The following SORCS2 variants were observed in gnomAD, a reference collection of about 807,000 sequenced individuals.
SORCS2 encodes the protein VPS10 domain-containing receptor SorCS2.
Under a neutral mutation model 141.6 loss-of-function variants are expected in SORCS2, and 100 were observed. The observed-to-expected ratio is 0.71, with a 90% CI of 0.60 to 0.83. The LOEUF (loss-of-function observed/expected upper bound fraction) is 0.83. Ranked by LOEUF, SORCS2 falls within the 40% of genes least tolerant of loss-of-function variation. The probability of loss-of-function intolerance (pLI) is 0.00; values close to 1 mark genes in which losing one functional copy is unlikely to be tolerated. For missense variants in SORCS2, 1,646 were observed against 1,560.2 expected (o/e 1.05, Z -0.93); for synonymous variants, 789 against 676.9 (o/e 1.17, Z -2.57).
chr4:7,552,475 A>G (rs1713787292), intron 3 of SORCS2, among the ~76,000 whole-genome samples: 1 of 152,196 alleles, frequency 6.6e-6, no homozygotes, highest in South Asian at 2.1e-4. Context: ...CACTGGCCCC[A>G]GTCCAAGCTT....
At chr4:7,506,669 G>C (rs1732295575) in intron 2 of SORCS2, among the ~76,000 whole-genome samples, 1 of 152,198 alleles carries the variant, frequency 6.6e-6, no homozygotes, top group African/African-American at 2.4e-5. Context: ...TCACTGAACT[G>C]GTAGGGCTGT....
intron 1 of SORCS2, among the ~76,000 whole-genome samples, chr4:7,351,113 C>T (rs570904163): frequency 5.6e-4 from 85 of 152,110 alleles, no homozygotes; most frequent in Non-Finnish European, 8.2e-4. Context: ...ACGCTACACG[C>T]CCCCCCACTT....
rs772479245 is a variant in SORCS2 at position 7,704,268 on chromosome 4, G to A, written c.1852G>A (p.Glu618Lys). The A allele has an allele frequency of 6.8e-6, 11 of 1,611,486 alleles. No individual in the cohort carries two copies. Among genetic ancestry groups the A allele is most frequent in the East Asian group, 2.2e-5 (1 of 44,840 alleles). The change falls in exon 14 of 27, where the codon GAG (glutamate) becomes AAG (lysine). Residue 618 changes from glutamate to lysine, a missense_variant. By Grantham distance (56) the Glu-to-Lys change is moderately conservative. Coordinates refer to ENST00000507866, the MANE Select transcript of SORCS2 (RefSeq NM_020777.3). ...VDGLLSEPGD[E>K]TLVMTVFGHI... ...CGGGCTGCTGAGTGAGCCAGGGGAC[G>A]AGACGCTGGTCATGACGTGAGTGCG...
At chr4:7,231,276 C>A (rs1711865096) in intron 1 of SORCS2, among the ~76,000 whole-genome samples, 1 of 152,220 alleles carries the variant, frequency 6.6e-6, no homozygotes, top group African/African-American at 2.4e-5. Flanking sequence ...GTCTTCTATT[C>A]AGACCTTTAA....
chr4:7,735,903 C>A (rs112713907), intron 25 of SORCS2, among the ~76,000 whole-genome samples: 1 of 152,176 alleles, frequency 6.6e-6, no homozygotes, highest in African/African-American at 2.4e-5. Context: ...GGGCGGCCTT[C>A]GAGCCCAGGC....
At chr4:7,500,596 C>T (rs1731903821) in intron 2 of SORCS2, among the ~76,000 whole-genome samples, 1 of 148,976 alleles carries the variant, frequency 6.7e-6, no homozygotes, top group Non-Finnish European at 1.5e-5. Flanking sequence ...CACCAGTGTG[C>T]CGGCTGGAGA....
chr4:7,257,406 G>A (rs969679929), intron 1 of SORCS2, among the ~76,000 whole-genome samples: 1 of 152,152 alleles, frequency 6.6e-6, no homozygotes, highest in Non-Finnish European at 1.5e-5. Context: ...GGGGCTCCAA[G>A]AGAAACCAGT....
chr4:7,485,025 G>C (rs7680189), intron 2 of SORCS2, among the ~76,000 whole-genome samples: 24,077 of 152,214 alleles, frequency 0.16, 2,931 homozygotes, highest in African/African-American at 0.34. Context: ...AGGGCAGACT[G>C]TCTGTTCATC....
intron 3 of SORCS2, among the ~76,000 whole-genome samples, chr4:7,603,169 CCATGGAAAGAGA>C (rs1717849659): frequency 6.7e-6 from 1 of 149,110 alleles, no homozygotes; most frequent in Non-Finnish European, 1.5e-5. Context: ...GAGAGGGAGA[CCATGGAAAGAGA>C]GGGGGAGGGG....
At chr4:7,334,747 C>T (rs1285633056) in intron 1 of SORCS2, among the ~76,000 whole-genome samples, 1 of 152,126 alleles carries the variant, frequency 6.6e-6, no homozygotes, top group Admixed American at 6.5e-5. Context: ...GAGGTTGCCA[C>T]GGACAAAGTG....
At chr4:7,545,989 G>T (rs374788959) in intron 3 of SORCS2, among the ~76,000 whole-genome samples, 45 of 152,244 alleles carry the variant, frequency 3.0e-4, no homozygotes, top group African/African-American at 1.0e-3. Flanking sequence ...ATCTTCACGT[G>T]GCAGAAAAAG....
chr4:7,487,830 G>A (rs556513633), intron 2 of SORCS2, among the ~76,000 whole-genome samples: 144 of 152,202 alleles, frequency 9.5e-4, no homozygotes, highest in African/African-American at 3.2e-3. Context: ...TGCTCTCTGC[G>A]CTTTAATTAG....
chr4:7,292,468 G>A (rs1716679310), intron 1 of SORCS2, among the ~76,000 whole-genome samples: 1 of 138,844 alleles, frequency 7.2e-6, no homozygotes, highest in Non-Finnish European at 1.6e-5. Flanking sequence ...TGGTGGTTGT[G>A]TTCACAGTTA....
intron 1 of SORCS2, among the ~76,000 whole-genome samples, chr4:7,360,571 CT>C (rs753548897): frequency 3.0e-4 from 15 of 49,282 alleles, no homozygotes; most frequent in African/African-American, 1.1e-3. Context: ...CCAGTCCCTT[CT>C]TTTTTTTTTT....
At chr4:7,534,089 C>A (rs1001574032) in intron 3 of SORCS2, among the ~76,000 whole-genome samples, 2 of 152,206 alleles carry the variant, frequency 1.3e-5, no homozygotes, top group African/African-American at 4.8e-5. Flanking sequence ...CTAGAAATAT[C>A]ACTGCGGGTA....
chr4:7,204,023 C>CATGTT, intron 1 of SORCS2, among the ~76,000 whole-genome samples: 1 of 152,210 alleles, frequency 6.6e-6, no homozygotes, highest in South Asian at 2.1e-4. Context: ...AGTAATATTC[C>CATGTT]ACTGTATGGA....
chr4:7,603,164 G>A (rs553292996), intron 3 of SORCS2, among the ~76,000 whole-genome samples: 1 of 151,772 alleles, frequency 6.6e-6, no homozygotes, highest in South Asian at 2.1e-4. Flanking sequence ...AGAGGGAGAG[G>A]GAGACCATGG....
chr4:7,310,692 T>A (rs954493698), intron 1 of SORCS2, among the ~76,000 whole-genome samples: 10 of 152,222 alleles, frequency 6.6e-5, no homozygotes, highest in Admixed American at 3.3e-4. Context: ...GAGCTGGAGC[T>A]GAGTCTGCAG....
At chr4:7,531,740 C>A (rs750261291) in intron 3 of SORCS2, 111 bp downstream of exon 3, 1 of 1,088,258 alleles carries the variant, frequency 9.2e-7, no homozygotes, top group Admixed American at 2.1e-5. Context: ...TGGCCCAGGC[C>A]GGAGTGTGAG....
Sources: allele counts gnomAD v4.1 joint callset (sites outside exome capture counted in the v4.1 genomes callset), GRCh38; gene constraint gnomAD v4.1.1; transcripts MANE v1.5; gene names NCBI Gene and HGNC (gene_info 2026-07-23, HGNC 2026-07-21).